The following ATP10A variants were observed in gnomAD, a reference collection of about 807,000 sequenced individuals.
ATP10A encodes phospholipid-transporting ATPase VA.
ATP10A carries 111 observed loss-of-function variants against 147.8 expected under a neutral mutation model. The ratio of observed to expected loss-of-function variants is 0.75; its 90% CI spans 0.64 to 0.88. The LOEUF (loss-of-function observed/expected upper bound fraction) is 0.88, where lower values mean the gene tolerates loss of function less well. Ranked by LOEUF, ATP10A falls within the 40% of genes least tolerant of loss-of-function variation. The pLI, the probability that ATP10A is intolerant of heterozygous loss-of-function variation, is 0.00. For synonymous variants in ATP10A, 875 were observed against 841.6 expected (o/e 1.04, Z -0.69); for missense variants, 1,927 against 1,959.0 (o/e 0.98, Z 0.31).
chr15:25,738,566 G>A (rs547477528), intron 2 of ATP10A: 2 of 152,332 alleles, frequency 1.3e-5, no homozygotes, highest in East Asian at 1.9e-4. Flanking sequence ...AAGCTAAGCA[G>A]GGTCAGTACT....
In ATP10A at chr15:25,680,240, A is replaced by G; in HGVS notation, c.3747T>C (p.Asn1249=). 1.2e-6 allele frequency: 2 copies of G among 1,614,196 alleles called. No individual in the cohort carries two copies. Among genetic ancestry groups the G allele is most frequent in the Non-Finnish European group, 1.7e-6 (2 of 1,180,010 alleles). ...LLFFTVALIY[N]ASCATCYPPS... ...GAGGATAGCACGTGGCACAAGACGC[A>G]TTGTAAATCAAAGCCACGGTGAAAA... Residue 1249 remains asparagine (N), a synonymous_variant, in exon 20 of 21, where the codon AAT becomes AAC. Coordinates refer to ENST00000555815, the MANE Select transcript of ATP10A (RefSeq NM_024490.4).
intron 1 of ATP10A, among the ~76,000 whole-genome samples, chr15:25,826,375 C>T (rs908463659): frequency 5.9e-5 from 9 of 152,164 alleles, no homozygotes; most frequent in African/African-American, 1.7e-4. Context: ...ACCTGAGCAA[C>T]ATGGCAAAAT....
intron 1 of ATP10A, among the ~76,000 whole-genome samples, chr15:25,799,133 G>A (rs563453210): frequency 3.9e-5 from 6 of 152,122 alleles, no homozygotes; most frequent in South Asian, 2.1e-4. Context: ...GGGGCCATCC[G>A]AATGGTTACG....
At chr15:25,712,532 A>ACAGG (rs1901499430) in intron 10 of ATP10A, among the ~76,000 whole-genome samples, 1 of 151,082 alleles carries the variant, frequency 6.6e-6, no homozygotes, top group African/African-American at 2.4e-5. Flanking sequence ...GTGGAATAAG[A>ACAGG]GAGATTTTTT....
intron 2 of ATP10A, among the ~76,000 whole-genome samples, chr15:25,744,896 TA>T (rs1245936678): frequency 1.3e-5 from 2 of 152,064 alleles, no homozygotes; most frequent in African/African-American, 4.8e-5. Context: ...GAATACATAA[TA>T]GCTGAGAATG....
intron 1 of ATP10A, among the ~76,000 whole-genome samples, chr15:25,849,690 A>G (rs964221914): frequency 8.5e-5 from 13 of 152,136 alleles, no homozygotes; most frequent in Admixed American, 8.5e-4. Context: ...TCTGGCTCTC[A>G]CCTCCATGCC....
In ATP10A at chr15:25,679,369, A is replaced by G. The variant is rs1899231149; in HGVS notation, c.4472T>C (p.Ile1491Thr). 6 of 1,593,762 alleles carry G rather than the reference A, an allele frequency of 3.8e-6. No homozygotes were observed. The highest frequency in any genetic ancestry group is 1.7e-5 in the Admixed American group (1 of 59,226). The change falls in exon 21 of 21, where the codon ATA becomes ACA. Residue 1491 changes from isoleucine (I) to threonine (T), a missense_variant. Transcript: ENST00000555815. Reference protein sequence around the residue: ...GLQGPDHRLLIGASSRRSQ With the variant: ...GLQGPDHRLLTGASSRRSQ Reference sequence around the variant, plus strand: ...CTGTGACCGCCTTGAAGATGCTCCTATAAGTAGTCTGTGGTCTGGCCCTTG... The same window carrying G: ...CTGTGACCGCCTTGAAGATGCTCCTGTAAGTAGTCTGTGGTCTGGCCCTTG...
At chr15:25,767,923 G>A (rs1439713682) in intron 2 of ATP10A, among the ~76,000 whole-genome samples, 2 of 152,226 alleles carry the variant, frequency 1.3e-5, no homozygotes, top group South Asian at 2.1e-4. Context: ...CAACCTGGAT[G>A]GGTGCATGGG....
intron 1 of ATP10A, among the ~76,000 whole-genome samples, chr15:25,833,169 G>C (rs1405735764): frequency 6.6e-6 from 1 of 152,010 alleles, no homozygotes; most frequent in Non-Finnish European, 1.5e-5. Context: ...TTTTAGTAAA[G>C]ACGGGTTTTC....
At chr15:25,783,857 G>C (rs1890041056) in intron 1 of ATP10A, among the ~76,000 whole-genome samples, 1 of 152,164 alleles carries the variant, frequency 6.6e-6, no homozygotes, top group South Asian at 2.1e-4. Flanking sequence ...GTCCCAGCAT[G>C]GTCAGTCCAG....
rs1265320866 is a variant in ATP10A at position 25,680,259 on chromosome 15, G to A, written c.3728C>T (p.Thr1243Ile). Residue 1243 changes from threonine to isoleucine, a missense_variant, in exon 20 of 21, where the codon ACC becomes ATC. Thr to Ile is a moderately conservative substitution (Grantham distance 89). Coordinates refer to ENST00000555815, the MANE Select transcript of ATP10A (RefSeq NM_024490.4). ...TCGFSVLLFF[T>I]VALIYNASCA... ...AGACGCATTGTAAATCAAAGCCACGGTGAAAAACAAAAGGACACTGAAGCC... is the reference window on the plus strand; with the variant it reads ...AGACGCATTGTAAATCAAAGCCACGATGAAAAACAAAAGGACACTGAAGCC... 2.5e-6 allele frequency: 4 copies of A among 1,614,206 alleles called. No individual in the cohort carries two copies. The highest frequency in any genetic ancestry group is 3.4e-6 in the Non-Finnish European group (4 of 1,180,044).
intron 2 of ATP10A, among the ~76,000 whole-genome samples, chr15:25,736,969 C>T (rs1006694024): frequency 2.6e-5 from 4 of 152,212 alleles, no homozygotes; most frequent in Non-Finnish European, 5.9e-5. Context: ...ACTGTTGACA[C>T]CACCCCAGGT....
chr15:25,795,952 A>T (rs1890652981), intron 1 of ATP10A, among the ~76,000 whole-genome samples: 1 of 152,040 alleles, frequency 6.6e-6, no homozygotes, highest in Non-Finnish European at 1.5e-5. Flanking sequence ...CACCCCTGTG[A>T]TTCTGCTCGC....
At chr15:25,741,128 C>T (rs188795239) in intron 2 of ATP10A, among the ~76,000 whole-genome samples, 1 of 152,354 alleles carries the variant, frequency 6.6e-6, no homozygotes, top group East Asian at 1.9e-4. Flanking sequence ...CCCCGTGCTT[C>T]CTGGGTGTGG....
At chr15:25,857,489 G>A (rs1311458246) in intron 1 of ATP10A, among the ~76,000 whole-genome samples, 2 of 152,092 alleles carry the variant, frequency 1.3e-5, no homozygotes, top group Non-Finnish European at 2.9e-5. Flanking sequence ...GGTATTTATA[G>A]TTTAGTTTTA....
At chr15:25,704,235 C>CA (rs1900842299) in intron 12 of ATP10A, among the ~76,000 whole-genome samples, 1 of 151,372 alleles carries the variant, frequency 6.6e-6, no homozygotes, top group Admixed American at 6.6e-5. Flanking sequence ...GTAATTCATT[C>CA]ATACTTAATG....
At chr15:25,725,077 G>C (rs1295243322) in intron 5 of ATP10A, among the ~76,000 whole-genome samples, 2 of 152,204 alleles carry the variant, frequency 1.3e-5, no homozygotes, top group African/African-American at 4.8e-5. Context: ...TGGCAGGTGA[G>C]TGAGCATTCC....
intron 2 of ATP10A, among the ~76,000 whole-genome samples, chr15:25,771,084 C>G (rs1184772950): frequency 6.6e-6 from 1 of 152,118 alleles, no homozygotes; most frequent in African/African-American, 2.4e-5. Flanking sequence ...CCCGCCACCA[C>G]CAGACTCTCT....
chr15:25,687,052 G>A lies in ATP10A; in HGVS notation c.3291+651C>T, dbSNP rs570735003. On this transcript the variant is annotated intron_variant, in intron 16 of 20. Coordinates refer to ENST00000555815, the MANE Select transcript of ATP10A (RefSeq NM_024490.4). ...GAGGTGGGAGAGGGTGGGAAGGCCC[G>A]AAGGGCACCCCCTTCCTGCTGGGTC... Among the ~76,000 whole-genome samples the A allele has an allele frequency of 4.0e-4, 43 of 107,600 alleles. 11 individuals carry two copies. The highest frequency in any genetic ancestry group is 3.0e-3 in the Admixed American group (34 of 11,242). The allele number at this position is 107,600 out of a possible 152,430, so 70.6% of individuals were successfully genotyped here.
Sources: gnomAD v4.1 joint callset for allele counts (sites outside exome capture counted in the v4.1 genomes callset) on GRCh38, gnomAD v4.1.1 for gene constraint, MANE v1.5 for transcripts, NCBI Gene and HGNC (gene_info 2026-07-23, HGNC 2026-07-21) for gene names.